The following PVALEF variants were observed in gnomAD, a reference collection of about 807,000 sequenced individuals.
PVALEF encodes parvalbumin-like EF-hand-containing protein.
Under a neutral mutation model 1.2 loss-of-function variants are expected in PVALEF, and 2 were observed. The observed-to-expected ratio is 1.68, with a 90% CI of 0.69 to 5.28. The LOEUF is 5.28. PVALEF is among the 30% of genes most tolerant of loss of function. The pLI is 0.06. For synonymous variants in PVALEF, 16 were observed against 6.5 expected (o/e 2.47, Z -2.24); for missense variants, 35 against 17.7 (o/e 1.97, Z -1.75).
chr17:81,165,997 G>A (rs1567833243), intron 1 of PVALEF: 1 of 1,566,386 alleles, frequency 6.4e-7, no homozygotes, highest in Non-Finnish European at 8.6e-7. Flanking sequence ...CGACATGGCC[G>A]GGCCAGCGGC....
At chr17:81,169,568 T>G (rs4969417) in intron 2 of PVALEF, among the ~76,000 whole-genome samples, 46,843 of 152,170 alleles carry the variant, frequency 0.31, 7,586 homozygotes, top group Non-Finnish European at 0.34. Context: ...ACTGCACATA[T>G]GTCTGTGCAT....
chr17:81,181,181 C>T lies in PVALEF; in HGVS notation c.-46C>T, dbSNP rs754941084. On this transcript the variant is annotated 5_prime_UTR_variant, in exon 4 of 7. Transcript: ENST00000637878. Reference sequence around the variant, plus strand: ...TCTGGCCCAAGCAGCACCCCCAATCCGTGCGTGCACCCCACGAATTGACTC... The same window carrying T: ...TCTGGCCCAAGCAGCACCCCCAATCTGTGCGTGCACCCCACGAATTGACTC... 2.3e-5 allele frequency: 16 copies of T among 700,534 alleles called. No homozygotes were observed. The highest frequency in any genetic ancestry group is 2.3e-4 in the Middle Eastern group (1 of 4,378). The allele number at this position is 700,534 out of a possible 1,614,324, so 43.4% of individuals were successfully genotyped here.
chr17:81,165,920 G>GGGT, intron 1 of PVALEF, 173 bp downstream of exon 1: 2 of 1,571,960 alleles, frequency 1.3e-6, no homozygotes, highest in Non-Finnish European at 1.7e-6. Flanking sequence ...CGCGCAGGCC[G>GGGT]GGCCGCCAGG....
Position 81,176,608 on chromosome 17 carries a change from A to C in PVALEF, c.-339-2310A>C, listed in dbSNP as rs552147525. Among the ~76,000 whole-genome samples the C allele has an allele frequency of 4.6e-5, 7 of 151,180 alleles. No homozygotes were observed. The East Asian group carries it at 1.4e-3, about 29-fold the overall frequency. ...TAAAAAAAAAAAAAAACCTCCAGAG[A>C]ATCACAAGTGTTGGTGAGGACGTGG... On this transcript the variant is annotated intron_variant, in intron 2 of 6. Transcript: ENST00000637878.
At chr17:81,179,415 C>T (rs975954497) in intron 3 of PVALEF, among the ~76,000 whole-genome samples, 4 of 152,218 alleles carry the variant, frequency 2.6e-5, no homozygotes, top group Admixed American at 2.6e-4. Flanking sequence ...CATGTGTGCA[C>T]GTGTGTGCTG....
chr17:81,165,887 T>TCCGCAGC (rs1555604107), intron 1 of PVALEF, 140 bp downstream of exon 1: 6 of 1,551,226 alleles, frequency 3.9e-6, no homozygotes, highest in Middle Eastern at 1.7e-4. Flanking sequence ...GGGCATCACG[T>TCCGCAGC]CCGCAGCGGA....
At chr17:81,177,783 A>T (rs1243989983) in intron 2 of PVALEF, among the ~76,000 whole-genome samples, 1 of 152,200 alleles carries the variant, frequency 6.6e-6, no homozygotes, top group Non-Finnish European at 1.5e-5. Context: ...GCTTCATCTC[A>T]TCCAAAAGCT....
chr17:81,182,660 A>G (rs1434680349), intron 6 of PVALEF, among the ~76,000 whole-genome samples: 1 of 152,216 alleles, frequency 6.6e-6, no homozygotes, highest in Non-Finnish European at 1.5e-5. Flanking sequence ...ACCTGCTCTC[A>G]GAGGGTCTGG....
chr17:81,179,482 T>C (rs1290042225), intron 3 of PVALEF, among the ~76,000 whole-genome samples: 1 of 152,118 alleles, frequency 6.6e-6, no homozygotes, highest in Non-Finnish European at 1.5e-5. Flanking sequence ...GGCCTCTGCA[T>C]AGGGAGCTGG....
chr17:81,166,055 G>C (rs2061487145), intron 1 of PVALEF: 2 of 1,190,494 alleles, frequency 1.7e-6, no homozygotes, highest in African/African-American at 3.3e-5. Context: ...CCGCGGCCCC[G>C]GCCCGAGCCG....
At chr17:81,178,295 C>G (rs934642061) in intron 2 of PVALEF, among the ~76,000 whole-genome samples, 11 of 152,234 alleles carry the variant, frequency 7.2e-5, no homozygotes, top group Admixed American at 4.6e-4. Context: ...AAAGCCAGGC[C>G]CCCCCGACCC....
intron 2 of PVALEF, among the ~76,000 whole-genome samples, chr17:81,172,200 C>G (rs1406597961): frequency 6.6e-6 from 1 of 152,206 alleles, no homozygotes; most frequent in African/African-American, 2.4e-5. Flanking sequence ...ACCCTGAGGT[C>G]AGGGCTGCTT....
chr17:81,165,891 CA>C, intron 1 of PVALEF, 144 bp downstream of exon 1: 1 of 1,554,464 alleles, frequency 6.4e-7, no homozygotes, highest in Non-Finnish European at 8.7e-7. Flanking sequence ...ATCACGTCCG[CA>C]GCGGAGGGAG....
intron 2 of PVALEF, among the ~76,000 whole-genome samples, chr17:81,167,381 TTCAC>T (rs2061501332): frequency 6.6e-6 from 1 of 152,218 alleles, no homozygotes; most frequent in Admixed American, 6.5e-5. Flanking sequence ...CACTCATTCA[TTCAC>T]TCACTCATTC....
At chr17:81,180,971 G>A (rs966747670) in intron 3 of PVALEF, among the ~76,000 whole-genome samples, 152 bp from the exon 4 acceptor site, 1 of 152,108 alleles carries the variant, frequency 6.6e-6, no homozygotes, top group Admixed American at 6.5e-5. Flanking sequence ...GTCACAAGGC[G>A]CTGCCGTGAG....
At chr17:81,179,642 A>G (rs2061546961) in intron 3 of PVALEF, among the ~76,000 whole-genome samples, 1 of 152,150 alleles carries the variant, frequency 6.6e-6, no homozygotes. Flanking sequence ...CCCCTGACCC[A>G]GAGGGACCCC....
At chr17:81,167,824 G>A (rs760942729) in intron 2 of PVALEF, among the ~76,000 whole-genome samples, 24 of 152,348 alleles carry the variant, frequency 1.6e-4, no homozygotes, top group African/African-American at 5.5e-4. Context: ...TAAAGAAGCC[G>A]CGTGGGTAGA....
chr17:81,174,677 C>T (rs1002075707), intron 2 of PVALEF, among the ~76,000 whole-genome samples: 4 of 151,250 alleles, frequency 2.6e-5, no homozygotes, highest in Middle Eastern at 3.2e-3. Context: ...TTGCCAGGCG[C>T]GGTGGCTCAC....
intron 2 of PVALEF, among the ~76,000 whole-genome samples, chr17:81,169,842 G>A (rs1370124685): frequency 7.1e-6 from 1 of 140,698 alleles, no homozygotes; most frequent in Non-Finnish European, 1.6e-5. Flanking sequence ...GTCTTGGTAG[G>A]TATATGTGTG....
Sources: allele counts gnomAD v4.1 joint callset (sites outside exome capture counted in the v4.1 genomes callset), GRCh38; gene constraint gnomAD v4.1.1; transcripts MANE v1.5; gene names NCBI Gene and HGNC (gene_info 2026-07-23, HGNC 2026-07-21).